FRAS1: variants seen among roughly 807,000 people sequenced by gnomAD.
FRAS1 encodes extracellular matrix organizing protein FRAS1.
Under a neutral mutation model 435.2 loss-of-function variants are expected in FRAS1, and 290 were observed. The observed-to-expected ratio is 0.67, with a 90% CI of 0.61 to 0.73. The LOEUF (loss-of-function observed/expected upper bound fraction) is 0.73. Ranked by LOEUF, FRAS1 falls within the 30% of genes least tolerant of loss-of-function variation. The pLI is 0.00. For missense variants in FRAS1, 4,860 were observed against 5,001.5 expected, an observed-to-expected ratio of 0.97 and a Z score of 0.85; for synonymous variants, 1,800 against 1,851.0, an observed-to-expected ratio of 0.97 and a Z score of 0.71.
chr4:78,444,181 TAAAG>T, intron 41 of FRAS1: 1 of 455,706 alleles, frequency 2.2e-6, no homozygotes, highest in Non-Finnish European at 4.4e-6. Flanking sequence ...TTGACTCAAA[TAAAG>T]AAGCCACATT....
chr4:78,193,380 T>C (rs554806963), intron 2 of FRAS1, among the ~76,000 whole-genome samples: 4 of 152,208 alleles, frequency 2.6e-5, no homozygotes, highest in Admixed American at 2.0e-4. Context: ...GTGTTAAAGT[T>C]TCCCATTATT....
At chr4:78,195,536 T>C (rs1185015141) in intron 2 of FRAS1, among the ~76,000 whole-genome samples, 1 of 152,226 alleles carries the variant, frequency 6.6e-6, no homozygotes, top group African/African-American at 2.4e-5. Context: ...GTGCTAGCAA[T>C]GAGCAAGGCT....
At chr4:78,362,973 AGGC>A (rs1402758845) in intron 20 of FRAS1, among the ~76,000 whole-genome samples, 7 of 152,326 alleles carry the variant, frequency 4.6e-5, no homozygotes, top group Admixed American at 4.6e-4. Flanking sequence ...GGGAGAGGGC[AGGC>A]AAACAGGAAT....
At chr4:78,442,792 C>G (rs1327011590) in intron 41 of FRAS1, among the ~76,000 whole-genome samples, 1 of 152,154 alleles carries the variant, frequency 6.6e-6, no homozygotes. Context: ...GCAGCAACCC[C>G]AGAGTTCCTG....
intron 50 of FRAS1, among the ~76,000 whole-genome samples, chr4:78,466,956 T>A (rs1431883901): frequency 6.6e-6 from 1 of 152,142 alleles, no homozygotes; most frequent in Non-Finnish European, 1.5e-5. Context: ...TTTTTGTGGG[T>A]ACATAGTAGG....
In FRAS1 at chr4:78,489,095, G is replaced by T; in HGVS notation, c.8958+15G>T. On this transcript the variant is annotated intron_variant, in intron 59 of 73. Transcript: ENST00000512123. ...AAGGGGACAAAGTAAGTGGATTGGT[G>T]GTGGCTGAAAGATGAGATTCTCTTA... 1 of 1,601,616 alleles carries T rather than the reference G, an allele frequency of 6.2e-7. No individual in the cohort carries two copies.
At chr4:78,429,273 A>G (rs1324568534) in intron 36 of FRAS1, 47 bp downstream of exon 36, 1 of 1,567,206 alleles carries the variant, frequency 6.4e-7, no homozygotes, top group Non-Finnish European at 8.7e-7. Flanking sequence ...AAATGGGATC[A>G]TATTGCTGCC....
At chr4:78,139,259 A>G (rs1720057142) in intron 2 of FRAS1, among the ~76,000 whole-genome samples, 1 of 152,176 alleles carries the variant, frequency 6.6e-6, no homozygotes, top group Non-Finnish European at 1.5e-5. Flanking sequence ...GTGACAGTAT[A>G]AGAAGCAAGG....
In FRAS1 at chr4:78,275,592, A is replaced by C. The variant is rs544660914; in HGVS notation, c.982-3063A>C. Among the ~76,000 whole-genome samples, 237 of 152,274 alleles carry C rather than the reference A, an allele frequency of 1.6e-3. 1 individual carries two copies. The highest frequency in any genetic ancestry group is 5.5e-3 in the African/African-American group (227 of 41,548). ...CTTACGAAGCTTAGTTTGGCTGGAT[A>C]TGAAATTCTGGGTTGAGAATTCTTT... is the stretch of plus-strand genomic sequence containing the variant. On this transcript the variant is annotated intron_variant, in intron 9 of 73. Transcript: ENST00000512123.
At chr4:78,450,982 T>TA (rs1719000512) in intron 45 of FRAS1, among the ~76,000 whole-genome samples, 1 of 145,722 alleles carries the variant, frequency 6.9e-6, no homozygotes, top group Non-Finnish European at 1.5e-5. Flanking sequence ...CCCCTGCGGA[T>TA]AAAAAACAAG....
chr4:78,430,703 G>A (rs17003215), intron 37 of FRAS1, among the ~76,000 whole-genome samples: 3,933 of 152,120 alleles, frequency 0.026, 172 homozygotes, highest in African/African-American at 0.09. Context: ...AATGCATTCA[G>A]AATGACACCA....
At position 78,489,047 on chromosome 4, in the gene FRAS1, C is replaced by T; in HGVS notation, c.8925C>T (p.Asp2975=). Residue 2975 remains aspartate (D), a synonymous_variant, in exon 59 of 74, where the codon GAC becomes GAT. Coordinates refer to ENST00000512123, the MANE Select transcript of FRAS1 (RefSeq NM_025074.7). ...ACTTTGAGGAGAGACAAAATGCAGA[C>T]TCTTCACGGATTACATTTCTCAAAG... is the stretch of plus-strand genomic sequence containing the variant. ...MEDFEERQNA[D]SSRITFLKGD... The T allele has an allele frequency of 6.2e-7, 1 of 1,613,494 alleles. No individual in the cohort carries two copies. The highest frequency in any genetic ancestry group is 1.7e-5 in the Admixed American group (1 of 59,984).
chr4:78,198,744 C>CT (rs1356077976), intron 2 of FRAS1, among the ~76,000 whole-genome samples: 1 of 152,172 alleles, frequency 6.6e-6, no homozygotes, highest in Non-Finnish European at 1.5e-5. Context: ...TCCTTCTTCA[C>CT]TTCCTCACCT....
intron 2 of FRAS1, among the ~76,000 whole-genome samples, chr4:78,200,870 A>AATAT (rs148259948): frequency 0.54 from 75,380 of 139,506 alleles, 21,455 homozygotes; most frequent in East Asian, 0.67. Context: ...GCATGCCTTG[A>AATAT]ATATATATAT....
intron 2 of FRAS1, among the ~76,000 whole-genome samples, chr4:78,189,191 C>T (rs902293774): frequency 6.6e-6 from 1 of 152,182 alleles, no homozygotes; most frequent in Non-Finnish European, 1.5e-5. Context: ...ATGATTATAT[C>T]ATGTCTCATT....
chr4:78,091,833 A>G (rs1295944948), intron 2 of FRAS1, among the ~76,000 whole-genome samples: 1 of 151,804 alleles, frequency 6.6e-6, no homozygotes, highest in Non-Finnish European at 1.5e-5. Context: ...AAATGAATAT[A>G]TTTTTAAAAA....
chr4:78,191,744 A>G (rs1398274220), intron 2 of FRAS1, among the ~76,000 whole-genome samples: 2 of 148,808 alleles, frequency 1.3e-5, no homozygotes, highest in African/African-American at 2.5e-5. Context: ...TCCTGTGTCC[A>G]TGTGTTCTCA....
At chr4:78,385,013 G>T (rs1732169426) in intron 28 of FRAS1, among the ~76,000 whole-genome samples, 1 of 151,794 alleles carries the variant, frequency 6.6e-6, no homozygotes, top group African/African-American at 2.4e-5. Flanking sequence ...ATATTATTAA[G>T]GATCTACTTA....
chr4:78,421,808 T>C (rs1271138967), intron 33 of FRAS1, 55 bp from the exon 34 acceptor site: 7 of 1,599,210 alleles, frequency 4.4e-6, no homozygotes, highest in Non-Finnish European at 6.0e-6. Flanking sequence ...GCTCTAGTCA[T>C]TCAGTCAGTG....
Sources: gnomAD v4.1 joint callset for allele counts (sites outside exome capture counted in the v4.1 genomes callset) on GRCh38, gnomAD v4.1.1 for gene constraint, MANE v1.5 for transcripts, NCBI Gene and HGNC (gene_info 2026-07-23, HGNC 2026-07-21) for gene names.